Variants in CHST15 observed in about 807,000 individuals in gnomAD.
The protein encoded by CHST15 is carbohydrate sulfotransferase 15, also known as B cell RAG associated protein (GALNAC4S-6ST).
A neutral mutation model predicts 53.6 loss-of-function variants in CHST15; 30 were observed. The observed-to-expected ratio is 0.56, with a 90% CI of 0.42 to 0.76. The LOEUF is 0.76. Ranked by LOEUF, CHST15 falls within the 30% of genes least tolerant of loss-of-function variation. The pLI is 0.00. For synonymous variants in CHST15, 296 were observed against 289.8 expected, an observed-to-expected ratio of 1.02 and a Z score of -0.22; for missense variants, 627 against 740.5, an observed-to-expected ratio of 0.85 and a Z score of 1.78.
At chr10:124,090,719 AG>A (rs1480913285) in intron 1 of CHST15, among the ~76,000 whole-genome samples, 1 of 152,258 alleles carries the variant, frequency 6.6e-6, no homozygotes, top group East Asian at 1.9e-4. Flanking sequence ...CCCTCACAGC[AG>A]CCACGGTGAC....
chr10:124,086,073 G>C (rs1949413424), intron 1 of CHST15, among the ~76,000 whole-genome samples: 1 of 152,224 alleles, frequency 6.6e-6, no homozygotes. Flanking sequence ...CACTACCTCA[G>C]CTCCCTGTGA....
intron 1 of CHST15, among the ~76,000 whole-genome samples, chr10:124,083,587 T>C (rs973596720): frequency 3.9e-5 from 6 of 152,302 alleles, no homozygotes; most frequent in African/African-American, 1.4e-4. Flanking sequence ...TCTCCTCATA[T>C]CTAATTTCTC....
intron 1 of CHST15, among the ~76,000 whole-genome samples, chr10:124,055,341 C>G (rs76667705): frequency 6.6e-6 from 1 of 152,032 alleles, no homozygotes. Flanking sequence ...CAGGAGCCCA[C>G]GTAAGAGCTC....
chr10:124,012,072 CCTTCA>C (rs1946432486), intron 7 of CHST15, among the ~76,000 whole-genome samples: 1 of 152,202 alleles, frequency 6.6e-6, no homozygotes, highest in Non-Finnish European at 1.5e-5. Flanking sequence ...TCCTCCTCTC[CCTTCA>C]CTAGACCATA....
At chr10:124,041,984 T>C (rs1947757296) in intron 4 of CHST15, among the ~76,000 whole-genome samples, 1 of 152,206 alleles carries the variant, frequency 6.6e-6, no homozygotes, top group South Asian at 2.1e-4. Flanking sequence ...GATCAGTACA[T>C]CAGGAAAAGA....
rs770538087 is a variant in CHST15, at chr10:124,044,634, C to T, written c.832G>A (p.Glu278Lys). The T allele has an allele frequency of 2.5e-6, 4 of 1,596,654 alleles. 1 individual carries two copies. Among genetic ancestry groups the T allele is most frequent in the Non-Finnish European group, 1.7e-6 (2 of 1,170,136 alleles). Residue 278 changes from glutamate to lysine, a missense_variant, in exon 3 of 8, where the codon GAG (glutamate) becomes AAG (lysine). Glu to Lys is a moderately conservative substitution (Grantham distance 56). Coordinates refer to ENST00000435907, the MANE Select transcript of CHST15 (RefSeq NM_001270764.2). ...DLYDRLRLHPEVKFSAIKEPH... is the reference protein window; with the variant it reads ...DLYDRLRLHPKVKFSAIKEPH... ...TCCTTGATGGCGGAGAACTTGACCTCAGGGTGCAGCCGCAGGCGGTCATAG... is the reference window on the plus strand; with the variant it reads ...TCCTTGATGGCGGAGAACTTGACCTTAGGGTGCAGCCGCAGGCGGTCATAG...
At chr10:124,012,229 C>T in intron 7 of CHST15, 104 bp downstream of exon 7, 1 of 1,365,042 alleles carries the variant, frequency 7.3e-7, no homozygotes, top group Non-Finnish European at 1.0e-6. Flanking sequence ...CAGCTCAGCC[C>T]ATTCCCACCC....
At chr10:124,057,322 G>A (rs1354188299) in intron 1 of CHST15, among the ~76,000 whole-genome samples, 2 of 152,238 alleles carry the variant, frequency 1.3e-5, no homozygotes, top group African/African-American at 4.8e-5. Flanking sequence ...GCGTTGACTA[G>A]CCGGCGCAGC....
rs1012640512 is a variant in CHST15, at chr10:124,036,455, C to A, written c.1190+2060G>T. Among the ~76,000 whole-genome samples the A allele has an allele frequency of 6.6e-6, 1 of 152,202 alleles. No homozygotes were observed. The highest frequency in any genetic ancestry group is 2.4e-5 in the African/African-American group (1 of 41,442). ...ATGGCACCGGGACAGCCACCAAGAG[C>A]TCAGGCTCAGAGCGCTGGGGCTGAG... is the stretch of plus-strand genomic sequence containing the variant. On this transcript the variant is annotated intron_variant, in intron 5 of 7. Coordinates refer to ENST00000435907, the MANE Select transcript of CHST15 (RefSeq NM_001270764.2). This position sits in a 1 kb window ranked among gnomAD's most constrained non-coding sequence, Gnocchi z 5.1.
rs1378469649 is a variant in CHST15 at position 124,007,908 on chromosome 10, C to G, written c.*2241G>C. 4.1e-6 allele frequency: 5 copies of G among 1,231,912 alleles called. No individual in the cohort carries two copies. Among genetic ancestry groups the G allele is most frequent in the Non-Finnish European group, 5.1e-6 (5 of 987,964 alleles). The allele number at this position is 1,231,912 out of a possible 1,614,324, so 76.3% of individuals were successfully genotyped here. On this transcript the variant is annotated 3_prime_UTR_variant, in exon 8 of 8. Coordinates refer to ENST00000435907, the MANE Select transcript of CHST15 (RefSeq NM_001270764.2). ...GAATGGCAGGCTCGAGAACCACCGC[C>G]CAGAACGGAACCTATTCTGTCAGCA... is the stretch of plus-strand genomic sequence containing the variant.
intron 1 of CHST15, among the ~76,000 whole-genome samples, chr10:124,073,741 C>T (rs911570212): frequency 5.9e-5 from 9 of 152,236 alleles, no homozygotes; most frequent in Admixed American, 4.6e-4. Flanking sequence ...GTTCTCCCAT[C>T]AGACGACGCC....
At chr10:124,040,508 C>A (rs1947693603) in intron 4 of CHST15, among the ~76,000 whole-genome samples, 1 of 152,200 alleles carries the variant, frequency 6.6e-6, no homozygotes. Flanking sequence ...TTGTGTGACT[C>A]TAGCTGTCAA....
At chr10:124,044,321 CG>C (rs1202903398) in intron 3 of CHST15, among the ~76,000 whole-genome samples, 2 of 152,176 alleles carry the variant, frequency 1.3e-5, no homozygotes, top group Non-Finnish European at 2.9e-5. Flanking sequence ...GTCATGTGCC[CG>C]GGCTTTCGGA....
Position 124,044,559 on chromosome 10 carries a change from G to C in CHST15, c.886+21C>G, listed in dbSNP as rs753232327. The stretch of plus-strand genomic sequence containing the variant: ...AATGAAGGAACGAGACCAGACAGGA[G>C]CCCTGGGACCCAGCACTCACCAAAG... On this transcript the variant is annotated intron_variant, in intron 3 of 7. Coordinates refer to ENST00000435907, the MANE Select transcript of CHST15 (RefSeq NM_001270764.2). 6.8e-6 allele frequency: 10 copies of C among 1,473,216 alleles called. No homozygotes were observed. In the East Asian group the frequency reaches 2.3e-4, roughly 34 times the overall value. 91.3% of individuals were successfully genotyped at this position (1,473,216 alleles called of 1,614,324 possible). A position where few individuals can be genotyped will look rare whatever the true frequency, so the allele number is the denominator to read the frequency against.
At chr10:124,031,101 C>T (rs1268732188) in intron 5 of CHST15, among the ~76,000 whole-genome samples, 1 of 152,258 alleles carries the variant, frequency 6.6e-6, no homozygotes, top group East Asian at 1.9e-4. Context: ...CAAGGTTAAG[C>T]CTCCACAGGT....
intron 1 of CHST15, among the ~76,000 whole-genome samples, chr10:124,066,825 C>T (rs1326386652): frequency 6.6e-6 from 1 of 152,256 alleles, no homozygotes; most frequent in East Asian, 1.9e-4. Context: ...TGGGCTGCGT[C>T]TCCCTGTTCC....
intron 6 of CHST15, among the ~76,000 whole-genome samples, chr10:124,014,533 G>A (rs546326107): frequency 2.8e-4 from 42 of 152,230 alleles, no homozygotes; most frequent in South Asian, 1.0e-3. Flanking sequence ...AAATGAGAAC[G>A]TGCCGGTCTC....
chr10:124,018,321 AG>A (rs1946655251), intron 6 of CHST15, among the ~76,000 whole-genome samples: 1 of 152,242 alleles, frequency 6.6e-6, no homozygotes, highest in South Asian at 2.1e-4. Context: ...TTGTAATTAC[AG>A]TTGTTTAGGA....
At chr10:124,014,603 G>A (rs771132355) in intron 6 of CHST15, among the ~76,000 whole-genome samples, 1 of 152,232 alleles carries the variant, frequency 6.6e-6, no homozygotes, top group Admixed American at 6.5e-5. Context: ...CCAACTCGCT[G>A]TTAAGTCACC....
Sources: gnomAD v4.1 joint callset for allele counts (sites outside exome capture counted in the v4.1 genomes callset) on GRCh38, gnomAD v4.1.1 for gene constraint, Gnocchi (gnomAD v3.1) non-coding constraint, MANE v1.5 for transcripts, NCBI Gene and HGNC (gene_info 2026-07-23, HGNC 2026-07-21) for gene names.